Variants in DLG5 observed in about 807,000 individuals in gnomAD.
DLG5 encodes the protein discs large MAGUK scaffold protein 5.
DLG5 carries 48 observed loss-of-function variants against 189.8 expected under a neutral mutation model. The ratio of observed to expected loss-of-function variants is 0.25; its 90% CI spans 0.20 to 0.32. The LOEUF is 0.32. Among genes scored for constraint, DLG5 ranks in the 10% least tolerant of loss-of-function variants. The pLI, the probability that DLG5 is intolerant of heterozygous loss-of-function variation, is 1.00. For synonymous variants in DLG5, 1,016 were observed against 1,054.1 expected, an observed-to-expected ratio of 0.96 and a Z score of 0.70; for missense variants, 2,160 against 2,544.7, an observed-to-expected ratio of 0.85 and a Z score of 3.25.
chr10:77,810,974 C>G (rs1259181366), intron 23 of DLG5, 120 bp downstream of exon 23: 3 of 1,279,184 alleles, frequency 2.3e-6, no homozygotes, highest in Non-Finnish European at 3.2e-6. Flanking sequence ...TCCTGAAGAC[C>G]TGGTGTGCGG....
intron 7 of DLG5, among the ~76,000 whole-genome samples, chr10:77,836,830 G>A (rs999829134): frequency 2.0e-5 from 3 of 151,644 alleles, no homozygotes; most frequent in Admixed American, 2.0e-4. Context: ...TTTCAGTTTT[G>A]ATTTTTTTTT....
intron 27 of DLG5, among the ~76,000 whole-genome samples, chr10:77,797,694 T>C (rs1840993148): frequency 6.6e-6 from 1 of 152,116 alleles, no homozygotes; most frequent in Non-Finnish European, 1.5e-5. Flanking sequence ...AGGCTTGGCC[T>C]GGAGGGATCT....
chr10:77,911,899 T>TAA lies in DLG5; in HGVS notation c.304+14316_304+14317dup, dbSNP rs567850067. On this transcript the variant is annotated intron_variant, in intron 1 of 31. Coordinates refer to ENST00000372391, the MANE Select transcript of DLG5 (RefSeq NM_004747.4). ...AGGCAAACAAGTGATAACATTTTCT[T>TAA]AAAAAAAAAAAAAAACAGGCTGGGT... 4.4e-3 allele frequency among the ~76,000 whole-genome samples: 612 copies of TAA among 138,618 alleles called. 8 individuals carry two copies. Among genetic ancestry groups the TAA allele is most frequent in the Middle Eastern group, 7.6e-3 (2 of 262 alleles). The allele number at this position is 138,618 out of a possible 152,430, so 90.9% of individuals were successfully genotyped here.
At chr10:77,887,905 C>G (rs967088686) in intron 1 of DLG5, among the ~76,000 whole-genome samples, 1 of 152,166 alleles carries the variant, frequency 6.6e-6, no homozygotes, top group Non-Finnish European at 1.5e-5. Flanking sequence ...TACAGCCAGC[C>G]GGCGATTTTC....
Position 77,926,578 on chromosome 10 carries a change from CG to C in DLG5, c.-59del. The stretch of plus-strand genomic sequence containing the variant: ...CGCCTCCCGGGCCCCCCGAGGCCGG[CG>C]GGCGGGCAGGCGAGCACCTCGGCAG... On this transcript the variant is annotated 5_prime_UTR_variant, in exon 1 of 32. Coordinates refer to ENST00000372391, the MANE Select transcript of DLG5 (RefSeq NM_004747.4). This position sits in a 1 kb window ranked among gnomAD's most constrained non-coding sequence, Gnocchi z 5.2. 5.9e-6 allele frequency: 7 copies of C among 1,185,050 alleles called. No homozygotes were observed. The highest frequency in any genetic ancestry group is 6.3e-6 in the Non-Finnish European group (6 of 957,486). The allele number at this position is 1,185,050 out of a possible 1,614,324, so 73.4% of individuals were successfully genotyped here.
intron 2 of DLG5, among the ~76,000 whole-genome samples, chr10:77,863,169 A>G (rs1248644): frequency 0.74 from 112,470 of 152,026 alleles, 42,502 homozygotes; most frequent in African/African-American, 0.9. Flanking sequence ...AAGGCTCACT[A>G]CAACCTCCAC....
chr10:77,918,991 G>A (rs755988458), intron 1 of DLG5, among the ~76,000 whole-genome samples: 4 of 152,108 alleles, frequency 2.6e-5, no homozygotes, highest in East Asian at 1.9e-4. Context: ...TGAGGTAGGC[G>A]GATCACCTGA....
At chr10:77,922,581 A>C (rs867962977) in intron 1 of DLG5, among the ~76,000 whole-genome samples, 1 of 152,162 alleles carries the variant, frequency 6.6e-6, no homozygotes, top group African/African-American at 2.4e-5. Context: ...TAACCAGGGA[A>C]CAGGAAAAAC....
chr10:77,852,772 T>C (rs947744205), intron 5 of DLG5, among the ~76,000 whole-genome samples: 11 of 152,200 alleles, frequency 7.2e-5, no homozygotes, highest in Non-Finnish European at 1.6e-4. Flanking sequence ...AAAATGAACC[T>C]GTGGTCTTGG....
At chr10:77,859,737 C>T (rs1298248339) in intron 2 of DLG5, among the ~76,000 whole-genome samples, 4 of 152,206 alleles carry the variant, frequency 2.6e-5, no homozygotes, top group Non-Finnish European at 5.9e-5. Context: ...CATTAAGCAA[C>T]ACAGACTGTG....
chr10:77,795,976 CAGAGG>C, intron 29 of DLG5, 80 bp downstream of exon 29: 1 of 1,593,456 alleles, frequency 6.3e-7, no homozygotes, highest in Non-Finnish European at 8.6e-7. Flanking sequence ...GCCGCTGGGG[CAGAGG>C]ATCACGGACC....
intron 1 of DLG5, among the ~76,000 whole-genome samples, chr10:77,881,329 C>G (rs764255062): frequency 3.9e-5 from 6 of 152,060 alleles, no homozygotes. Flanking sequence ...CAGGAGATAC[C>G]TAGTAATCAC....
rs749237676 is a variant in DLG5 at position 77,811,930 on chromosome 10, C to T, written c.4316G>A (p.Arg1439Gln). 5.4e-5 allele frequency: 87 copies of T among 1,605,614 alleles called. No individual in the cohort carries two copies. The highest frequency in any genetic ancestry group is 1.0e-4 in the Admixed American group (6 of 59,958). Residue 1439 changes from arginine to glutamine, a missense_variant, in exon 22 of 32, where the codon CGG becomes CAG. By Grantham distance (43) the Arg-to-Gln change is conservative. Transcript: ENST00000372391. ...PHVHQLSSHS[R>Q]SSSHLDPAGT... Reference sequence around the variant, plus strand: ...CTGGGAGGCCCGCACTCACCTGGACCGGGAGTGGCTGCTGAGCTGGTGCAC... The same window carrying T: ...CTGGGAGGCCCGCACTCACCTGGACTGGGAGTGGCTGCTGAGCTGGTGCAC...
At chr10:77,795,607 C>A (rs1840871664) in intron 29 of DLG5, among the ~76,000 whole-genome samples, 1 of 152,160 alleles carries the variant, frequency 6.6e-6, no homozygotes, top group Non-Finnish European at 1.5e-5. Context: ...ACGTCCCCGC[C>A]CTCGTGCTGC....
intron 5 of DLG5, among the ~76,000 whole-genome samples, chr10:77,851,334 G>A (rs562806750): frequency 6.6e-6 from 1 of 152,322 alleles, no homozygotes; most frequent in East Asian, 1.9e-4. Flanking sequence ...GTCCCTGCAG[G>A]GGGAATGGGT....
At chr10:77,819,224 C>T in intron 17 of DLG5, 97 bp downstream of exon 17, 23 of 1,576,120 alleles carry the variant, frequency 1.5e-5, no homozygotes, top group Non-Finnish European at 2.0e-5. Context: ...GGCAAGGAAG[C>T]TTCTCCACCA....
chr10:77,797,579 TG>T (rs1369703884), intron 27 of DLG5, among the ~76,000 whole-genome samples: 1 of 151,960 alleles, frequency 6.6e-6, no homozygotes, highest in Non-Finnish European at 1.5e-5. Flanking sequence ...AGGAGGGAAG[TG>T]GGATGAGAGT....
intron 1 of DLG5, among the ~76,000 whole-genome samples, chr10:77,878,414 G>A (rs958224640): frequency 7.2e-5 from 11 of 152,196 alleles, no homozygotes; most frequent in East Asian, 3.9e-4. Flanking sequence ...ACCAGCTCTC[G>A]TTACTGTTAC....
At chr10:77,927,803 T>TA (rs916869172), upstream of DLG5, 1 of 152,264 alleles carries the variant, frequency 6.6e-6, no homozygotes, top group Non-Finnish European at 1.5e-5. Context: ...TGTGGACACA[T>TA]ACTGCTTACC....
Sources: allele counts gnomAD v4.1 joint callset (sites outside exome capture counted in the v4.1 genomes callset), GRCh38; gene constraint gnomAD v4.1.1; non-coding constraint Gnocchi (gnomAD v3.1); transcripts MANE v1.5; gene names NCBI Gene and HGNC (gene_info 2026-07-23, HGNC 2026-07-21).